ADCY2: variants seen among roughly 807,000 people sequenced by gnomAD.
The protein encoded by ADCY2 is adenylate cyclase 2.
In ADCY2, 31 loss-of-function variants were observed where a neutral mutation model predicts 125.2. The observed-to-expected ratio is 0.25, with a 90% CI of 0.19 to 0.33. ADCY2 has a LOEUF of 0.33. Ranked by LOEUF, ADCY2 falls within the 10% of genes least tolerant of loss-of-function variation. The pLI is 1.00. For missense variants in ADCY2, 904 were observed against 1,418.2 expected (o/e 0.64, Z 5.82); for synonymous variants, 512 against 548.4 (o/e 0.93, Z 0.93).
chr5:7,688,450 G>A (rs568090629), intron 4 of ADCY2, among the ~76,000 whole-genome samples: 34 of 151,536 alleles, frequency 2.2e-4, no homozygotes, highest in Non-Finnish European at 4.3e-4. Context: ...TTTATTTTTA[G>A]TAGAGATGGG....
At chr5:7,445,291 G>A (rs1324827026) in intron 2 of ADCY2, among the ~76,000 whole-genome samples, 1 of 152,142 alleles carries the variant, frequency 6.6e-6, no homozygotes, top group Non-Finnish European at 1.5e-5. Flanking sequence ...CTTTATCTAT[G>A]TGGCTACCCA....
chr5:7,528,553 AAAG>A (rs1172100852), intron 3 of ADCY2, among the ~76,000 whole-genome samples: 1 of 152,210 alleles, frequency 6.6e-6, no homozygotes, highest in African/African-American at 2.4e-5. Context: ...GGAGCATAAA[AAAG>A]AAGAATTTAT....
At chr5:7,577,889 G>A (rs575898965) in intron 3 of ADCY2, among the ~76,000 whole-genome samples, 1 of 152,190 alleles carries the variant, frequency 6.6e-6, no homozygotes, top group African/African-American at 2.4e-5. Context: ...CAAATTATGG[G>A]GCCCACCAAC....
chr5:7,621,267 C>T lies in ADCY2; in HGVS notation c.571-4900C>T, dbSNP rs553063133. Among the ~76,000 whole-genome samples, 6 of 152,292 alleles carry T rather than the reference C, an allele frequency of 3.9e-5. No individual in the cohort carries two copies. In the South Asian group the frequency reaches 1.2e-3, roughly 32 times the overall value. On this transcript the variant is annotated intron_variant, in intron 3 of 24. Transcript: ENST00000338316. Reference sequence around the variant, plus strand: ...CTCTAAACACGCACAGATGCATGAGCTGAACCAGTAAAGACTCCACAGGCG... The same window carrying T: ...CTCTAAACACGCACAGATGCATGAGTTGAACCAGTAAAGACTCCACAGGCG...
Position 7,396,346 on chromosome 5 carries a change from A to G in ADCY2, c.50A>G (p.Glu17Gly). The G allele has an allele frequency of 6.5e-7, 1 of 1,540,286 alleles. No individual in the cohort carries two copies. Among genetic ancestry groups the G allele is most frequent in the Non-Finnish European group, 8.7e-7 (1 of 1,145,132 alleles). ...CGCCGCTACCTGCGGGACCGCTCCG[A>G]GGAGGCGGCGGGCGGCGGAGACGGG... ...RRRRYLRDRS[E>G]EAAGGGDGLP... Residue 17 changes from glutamate to glycine, a missense_variant, in exon 1 of 25, where the codon GAG (glutamate) becomes GGG (glycine). Physicochemically the swap from Glu to Gly is moderately conservative, Grantham distance 98. Coordinates refer to ENST00000338316, the MANE Select transcript of ADCY2 (RefSeq NM_020546.3). The surrounding 1 kb of genome is among the most constrained non-coding windows in gnomAD (Gnocchi z 5.7).
intron 20 of ADCY2, chr5:7,798,028 T>G (rs1017765012): frequency 5.2e-5 from 8 of 152,452 alleles, no homozygotes; most frequent in Admixed American, 1.3e-4. Flanking sequence ...ATGGCTGGAC[T>G]GTCAGTTGTT....
intron 3 of ADCY2, among the ~76,000 whole-genome samples, chr5:7,597,877 C>G (rs1032951764): frequency 6.6e-6 from 1 of 152,188 alleles, no homozygotes; most frequent in Non-Finnish European, 1.5e-5. Flanking sequence ...TCATAGAACA[C>G]CTGTGTACCT....
chr5:7,527,535 T>C (rs1245864709), intron 3 of ADCY2, among the ~76,000 whole-genome samples: 1 of 152,222 alleles, frequency 6.6e-6, no homozygotes, highest in Non-Finnish European at 1.5e-5. Context: ...GGGAGGATAA[T>C]TTGAATATAG....
chr5:7,668,911 T>C (rs1438694422), intron 4 of ADCY2, among the ~76,000 whole-genome samples: 1 of 152,190 alleles, frequency 6.6e-6, no homozygotes, highest in African/African-American at 2.4e-5. Flanking sequence ...ATAGCTCCAG[T>C]CTTTACTAAT....
At chr5:7,603,337 G>A (rs1344252653) in intron 3 of ADCY2, among the ~76,000 whole-genome samples, 4 of 152,162 alleles carry the variant, frequency 2.6e-5, no homozygotes, top group African/African-American at 9.7e-5. Context: ...TGTTGCCAGA[G>A]CCCCTACAGG....
At chr5:7,565,660 A>G (rs4532331) in intron 3 of ADCY2, among the ~76,000 whole-genome samples, 12,346 of 152,266 alleles carry the variant, frequency 0.081, 716 homozygotes, top group Non-Finnish European at 0.12. Context: ...TCCAGGGGGC[A>G]TGTGTCTATA....
chr5:7,748,659 C>T (rs1193252346), intron 15 of ADCY2, among the ~76,000 whole-genome samples: 1 of 152,164 alleles, frequency 6.6e-6, no homozygotes, highest in Non-Finnish European at 1.5e-5. Flanking sequence ...TCTGCAAAGG[C>T]TTCCTATCCT....
intron 22 of ADCY2, among the ~76,000 whole-genome samples, chr5:7,811,329 C>T (rs563364604): frequency 3.1e-4 from 47 of 152,074 alleles, no homozygotes; most frequent in African/African-American, 1.0e-3. Flanking sequence ...GGTGAAACCC[C>T]ATCTCTACTA....
Position 7,709,296 on chromosome 5 carries a change from G to A in ADCY2, c.1487G>A (p.Arg496Gln), listed in dbSNP as rs576240306. Residue 496 changes from arginine to glutamine, a missense_variant, in exon 10 of 25, where the codon CGG (arginine) becomes CAG (glutamine). Physicochemically the swap from Arg to Gln is conservative, Grantham distance 43. Coordinates refer to ENST00000338316, the MANE Select transcript of ADCY2 (RefSeq NM_020546.3). This position sits in a 1 kb window ranked among gnomAD's most constrained non-coding sequence, Gnocchi z 4.4. ...AKMRASVRMTRYLESWGAAKP... is the reference protein window; with the variant it reads ...AKMRASVRMTQYLESWGAAKP... ...ATGAGGGCCTCGGTCCGCATGACCC[G>A]GTACTTGGAGTCCTGGGGGGCAGCC... 1.7e-5 allele frequency: 27 copies of A among 1,613,698 alleles called. No individual in the cohort carries two copies. The highest frequency in any genetic ancestry group is 4.4e-5 in the South Asian group (4 of 91,002).
At chr5:7,706,426 A>C (rs1741267630) in intron 7 of ADCY2, among the ~76,000 whole-genome samples, 1 of 152,218 alleles carries the variant, frequency 6.6e-6, no homozygotes, top group Admixed American at 6.5e-5. Flanking sequence ...TCTAGTATGA[A>C]AATGCAGACA....
intron 17 of ADCY2, among the ~76,000 whole-genome samples, chr5:7,767,175 C>A (rs991747361): frequency 6.6e-6 from 1 of 152,124 alleles, no homozygotes. Context: ...TTAATATTAT[C>A]CCCCTTAAAG....
intron 4 of ADCY2, among the ~76,000 whole-genome samples, chr5:7,628,549 A>G (rs1259829118): frequency 6.6e-6 from 1 of 152,202 alleles, no homozygotes; most frequent in Non-Finnish European, 1.5e-5. Context: ...TACTAGTTTC[A>G]GAAAAGAAGT....
intron 3 of ADCY2, among the ~76,000 whole-genome samples, chr5:7,606,725 G>A (rs1737390514): frequency 1.3e-5 from 2 of 152,194 alleles, no homozygotes; most frequent in South Asian, 4.2e-4. Flanking sequence ...GTTCTCACTT[G>A]ATGCTTGTTA....
chr5:7,407,242 G>A (rs1401071646), intron 1 of ADCY2, among the ~76,000 whole-genome samples: 2 of 152,178 alleles, frequency 1.3e-5, no homozygotes, highest in Non-Finnish European at 2.9e-5. Context: ...TCTTTGTAAG[G>A]CACTGGTTTG....
Sources: allele counts gnomAD v4.1 joint callset (sites outside exome capture counted in the v4.1 genomes callset), GRCh38; gene constraint gnomAD v4.1.1; non-coding constraint Gnocchi (gnomAD v3.1); transcripts MANE v1.5; gene names NCBI Gene and HGNC (gene_info 2026-07-23, HGNC 2026-07-21).